PCSK5: variants seen among roughly 807,000 people sequenced by gnomAD.
PCSK5 encodes prohormone convertase 5.
In PCSK5, 129 loss-of-function variants were observed where a neutral mutation model predicts 233.2. That is an observed-to-expected ratio of 0.55 (90% CI 0.48 to 0.64). The LOEUF is 0.64. PCSK5 is among the 30% of genes least tolerant of loss of function. PCSK5 has a pLI of 0.00. For synonymous variants in PCSK5, 825 were observed against 879.2 expected, an observed-to-expected ratio of 0.94 and a Z score of 1.09; for missense variants, 2,076 against 2,430.1, an observed-to-expected ratio of 0.85 and a Z score of 3.06.
rs560674972 is a variant in PCSK5, at chr9:76,043,864, G to A, written c.632+16827G>A. Among the ~76,000 whole-genome samples the A allele has an allele frequency of 5.9e-5, 9 of 152,124 alleles. No individual in the cohort carries two copies. In the South Asian group the frequency reaches 1.9e-3, roughly 32 times the overall value. On this transcript the variant is annotated intron_variant, in intron 5 of 37. Transcript: ENST00000674117. Reference sequence around the variant, plus strand: ...TTGAATTACAGGTGTGAGCCACTGTGCCCAGCCTGATTAATAAAACTTGTG... The same window carrying A: ...TTGAATTACAGGTGTGAGCCACTGTACCCAGCCTGATTAATAAAACTTGTG...
intron 2 of PCSK5, among the ~76,000 whole-genome samples, chr9:75,938,589 T>A (rs1207625263): frequency 6.6e-6 from 1 of 152,196 alleles, no homozygotes. Flanking sequence ...CCACAAATCT[T>A]CAATTTGTAA....
chr9:76,299,167 A>C (rs1239028923), intron 27 of PCSK5, among the ~76,000 whole-genome samples: 2 of 152,184 alleles, frequency 1.3e-5, no homozygotes, highest in Non-Finnish European at 2.9e-5. Flanking sequence ...CCTCCTACCT[A>C]GTCTAAGGAT....
chr9:76,094,264 C>T (rs148093890), intron 7 of PCSK5, among the ~76,000 whole-genome samples: 383 of 151,862 alleles, frequency 2.5e-3, no homozygotes, highest in African/African-American at 8.9e-3. Flanking sequence ...GCTCTTTTTC[C>T]AGAAATTCTA....
chr9:76,194,574 C>A, intron 20 of PCSK5: 1 of 296,316 alleles, frequency 3.4e-6, no homozygotes. Context: ...TGCTGGTCCA[C>A]TGAATGCTGA....
At chr9:76,321,284 C>T in intron 30 of PCSK5, 138 bp from the exon 31 acceptor site, 1 of 595,814 alleles carries the variant, frequency 1.7e-6, no homozygotes, top group Non-Finnish European at 3.0e-6. Flanking sequence ...TTTTCACTTC[C>T]TTATAAATCC....
rs5898445 is a variant in PCSK5, at chr9:76,040,385, G to GTC, written c.632+13375_632+13376dup. Among the ~76,000 whole-genome samples the GTC allele has an allele frequency of 1.3e-3, 107 of 80,656 alleles. 2 individuals carry two copies. Among genetic ancestry groups the GTC allele is most frequent in the Admixed American group, 2.6e-3 (18 of 6,936 alleles). 52.9% of individuals were successfully genotyped at this position (80,656 alleles called of 152,430 possible). A position where few individuals can be genotyped will look rare whatever the true frequency, so the allele number is the denominator to read the frequency against. ...TCTCTCTCTCTCTCTCTCTCTCTCT[G>GTC]TCTCTCTCTCTCTCTCTCTCTCTCT... On this transcript the variant is annotated intron_variant, in intron 5 of 37. Transcript: ENST00000674117.
At chr9:76,024,810 T>A (rs2131489619) in intron 4 of PCSK5, among the ~76,000 whole-genome samples, 1 of 152,370 alleles carries the variant, frequency 6.6e-6, no homozygotes, top group South Asian at 2.1e-4. Context: ...GAAAGCACGT[T>A]CGGTAACATG....
chr9:76,251,206 G>A (rs2131344734), intron 24 of PCSK5, among the ~76,000 whole-genome samples: 1 of 152,266 alleles, frequency 6.6e-6, no homozygotes, highest in African/African-American at 2.4e-5. Flanking sequence ...GTTCAAAGCG[G>A]CAGTGAGCTA....
intron 2 of PCSK5, among the ~76,000 whole-genome samples, chr9:75,946,218 A>G (rs1359250447): frequency 1.3e-5 from 2 of 152,222 alleles, no homozygotes; most frequent in Non-Finnish European, 2.9e-5. Context: ...TACTGACATC[A>G]TTTTATGGTG....
intron 1 of PCSK5, among the ~76,000 whole-genome samples, chr9:75,914,477 G>A (rs569182426): frequency 6.6e-6 from 1 of 152,198 alleles, no homozygotes; most frequent in Non-Finnish European, 1.5e-5. Flanking sequence ...TGACCTTTAG[G>A]TAGTTTTAGA....
intron 20 of PCSK5, among the ~76,000 whole-genome samples, chr9:76,215,967 A>C (rs1214697358): frequency 1.3e-5 from 2 of 149,030 alleles, no homozygotes; most frequent in South Asian, 4.3e-4. Flanking sequence ...ACAAAAAAAA[A>C]TGGGGACTGG....
chr9:76,100,755 T>C (rs1197564979), intron 8 of PCSK5, among the ~76,000 whole-genome samples: 1 of 152,200 alleles, frequency 6.6e-6, no homozygotes, highest in Non-Finnish European at 1.5e-5. Context: ...CATTTTGAAT[T>C]TCATTCCTTT....
intron 24 of PCSK5, among the ~76,000 whole-genome samples, chr9:76,278,236 A>G (rs904207889): frequency 3.9e-5 from 6 of 152,224 alleles, no homozygotes; most frequent in Admixed American, 6.5e-5. Flanking sequence ...GCAAAATTGT[A>G]TCAGAAAAAC....
rs1255613116 is a variant in PCSK5 at position 76,351,521 on chromosome 9, AAAG to A, written c.5067+596_5067+598del. 1.2e-3 allele frequency among the ~76,000 whole-genome samples: 151 copies of A among 124,948 alleles called. 22 individuals are homozygous for A. Among genetic ancestry groups the A allele is most frequent in the South Asian group, 4.5e-3 (16 of 3,574 alleles). 82.0% of individuals were successfully genotyped at this position (124,948 alleles called of 152,430 possible). On this transcript the variant is annotated intron_variant, in intron 36 of 37. Coordinates refer to ENST00000674117, the MANE Select transcript of PCSK5 (RefSeq NM_001372043.1). ...GAAAGAAAGAAAGAAAGAAAGAAAG[AAAG>A]AAAGAAAGGAAGGAAAGAAAGAGAA...
In PCSK5 at chr9:76,117,516, G is replaced by GT. The variant is rs1027068448; in HGVS notation, c.1208+10166dup. 1.6e-4 allele frequency among the ~76,000 whole-genome samples: 24 copies of GT among 152,098 alleles called. 1 individual carries two copies. Among genetic ancestry groups the GT allele is most frequent in the African/African-American group, 5.6e-4 (23 of 41,432 alleles). On this transcript the variant is annotated intron_variant, in intron 9 of 37. Transcript: ENST00000674117. ...GTGATTCAACTTACACTTGGTTTTT[G>GT]TGAGTTTTTACTGAGTTATTGCTTT...
chr9:76,139,679 C>G (rs1262182627), intron 10 of PCSK5, among the ~76,000 whole-genome samples: 5 of 152,046 alleles, frequency 3.3e-5, no homozygotes, highest in African/African-American at 9.7e-5. Context: ...CCATTGTGCT[C>G]TGCAAACTCA....
chr9:76,108,347 C>T (rs926858777), intron 9 of PCSK5, among the ~76,000 whole-genome samples: 1 of 152,184 alleles, frequency 6.6e-6, no homozygotes, highest in Non-Finnish European at 1.5e-5. Context: ...AGCCCTGCAC[C>T]TCTGCCCTAG....
chr9:76,260,735 T>C (rs541951245), intron 24 of PCSK5, among the ~76,000 whole-genome samples: 4 of 152,306 alleles, frequency 2.6e-5, no homozygotes, highest in Admixed American at 1.3e-4. Flanking sequence ...TTGAGATCTC[T>C]ACCAGACTTC....
chr9:76,088,930 ATTTTT>A (rs5898449), intron 7 of PCSK5, among the ~76,000 whole-genome samples: 3 of 140,146 alleles, frequency 2.1e-5, no homozygotes. Flanking sequence ...AGGTTTTTTA[ATTTTT>A]TTTTTTTTTT....
Sources: allele counts gnomAD v4.1 joint callset (sites outside exome capture counted in the v4.1 genomes callset), GRCh38; gene constraint gnomAD v4.1.1; transcripts MANE v1.5; gene names NCBI Gene and HGNC (gene_info 2026-07-23, HGNC 2026-07-21).